Variants in CCSER1 observed in about 807,000 individuals in gnomAD.
The protein encoded by CCSER1 is coiled-coil serine rich protein 1.
A neutral mutation model predicts 82.0 loss-of-function variants in CCSER1; 41 were observed. That is an observed-to-expected ratio of 0.50 (90% confidence interval 0.39 to 0.65). The LOEUF is 0.65. Among genes scored for constraint, CCSER1 ranks in the 30% least tolerant of loss-of-function variants. CCSER1 has a pLI of 0.00. For missense variants in CCSER1, 1,119 were observed against 1,064.2 expected, an observed-to-expected ratio of 1.05 and a Z score of -0.72; for synonymous variants, 414 against 383.9, an observed-to-expected ratio of 1.08 and a Z score of -0.92.
chr4:91,317,896 C>T (rs1211409470), intron 10 of CCSER1, among the ~76,000 whole-genome samples: 1 of 151,802 alleles, frequency 6.6e-6, no homozygotes, highest in African/African-American at 2.4e-5. Flanking sequence ...CTAATGAAAC[C>T]CTGGGTGAGA....
chr4:91,507,476 T>C (rs1363452157), intron 10 of CCSER1, among the ~76,000 whole-genome samples: 2 of 152,074 alleles, frequency 1.3e-5, no homozygotes, highest in Non-Finnish European at 2.9e-5. Flanking sequence ...TTGCCCTGGC[T>C]GGAGTGCAGT....
chr4:90,598,818 G>T (rs964750086), intron 5 of CCSER1, among the ~76,000 whole-genome samples: 14 of 152,264 alleles, frequency 9.2e-5, no homozygotes, highest in African/African-American at 3.1e-4. Context: ...GTAGACATTA[G>T]AATGGGGAGA....
intron 9 of CCSER1, among the ~76,000 whole-genome samples, chr4:91,049,368 C>T (rs1742804104): frequency 6.6e-6 from 1 of 151,938 alleles, no homozygotes; most frequent in South Asian, 2.1e-4. Context: ...AATGATGAAG[C>T]CAAAAATTAA....
At chr4:90,609,558 G>A (rs1257629588) in intron 5 of CCSER1, among the ~76,000 whole-genome samples, 3 of 151,944 alleles carry the variant, frequency 2.0e-5, no homozygotes, top group African/African-American at 7.3e-5. Flanking sequence ...ACTTCAGTGG[G>A]AATACATGAC....
chr4:90,249,106 T>C (rs1288484360), intron 1 of CCSER1, among the ~76,000 whole-genome samples: 1 of 152,138 alleles, frequency 6.6e-6, no homozygotes, highest in African/African-American at 2.4e-5. Context: ...CATGGCATAC[T>C]TCTTTTTAAT....
intron 10 of CCSER1, among the ~76,000 whole-genome samples, chr4:91,173,177 TGAA>T (rs1469925076): frequency 5.3e-5 from 8 of 152,188 alleles, no homozygotes; most frequent in Non-Finnish European, 1.0e-4. Context: ...GAGGTTAAGA[TGAA>T]GATTTTGATT....
chr4:90,217,692 TC>T (rs1741338796), intron 1 of CCSER1, among the ~76,000 whole-genome samples: 1 of 152,182 alleles, frequency 6.6e-6, no homozygotes, highest in Non-Finnish European at 1.5e-5. Flanking sequence ...GGGGAATGTG[TC>T]CAGTTTTTGC....
At chr4:91,353,755 A>T (rs1300125341) in intron 10 of CCSER1, among the ~76,000 whole-genome samples, 1 of 152,182 alleles carries the variant, frequency 6.6e-6, no homozygotes, top group African/African-American at 2.4e-5. Flanking sequence ...TTTTTTTATC[A>T]TTTGGAGAAA....
At chr4:91,013,087 A>G (rs2150506421) in intron 9 of CCSER1, among the ~76,000 whole-genome samples, 1 of 135,072 alleles carries the variant, frequency 7.4e-6, no homozygotes, top group East Asian at 2.4e-4. Flanking sequence ...ATTAAAACAT[A>G]GCTGTTTATT....
chr4:90,306,130 A>G (rs550804616), intron 1 of CCSER1, among the ~76,000 whole-genome samples: 32 of 152,192 alleles, frequency 2.1e-4, no homozygotes, highest in Non-Finnish European at 4.0e-4. Context: ...AATTAAACTC[A>G]TAGAAGTAGA....
At chr4:90,794,881 C>T (rs1248892044) in intron 7 of CCSER1, among the ~76,000 whole-genome samples, 2 of 152,116 alleles carry the variant, frequency 1.3e-5, no homozygotes, top group African/African-American at 2.4e-5. Context: ...AGAGGTCTTT[C>T]ACTTCCCTTG....
chr4:91,223,732 A>C (rs1301907608), intron 10 of CCSER1, among the ~76,000 whole-genome samples: 2 of 152,124 alleles, frequency 1.3e-5, no homozygotes, highest in African/African-American at 4.8e-5. Context: ...GAGGATGTCC[A>C]AAGAGTTTGG....
At chr4:90,139,624 A>G (rs988425149) in intron 1 of CCSER1, among the ~76,000 whole-genome samples, 4 of 152,166 alleles carry the variant, frequency 2.6e-5, no homozygotes, top group African/African-American at 9.7e-5. Context: ...TGTCACTCAG[A>G]GAAATAATGT....
intron 5 of CCSER1, among the ~76,000 whole-genome samples, chr4:90,511,485 C>T (rs988369683): frequency 6.6e-6 from 1 of 152,148 alleles, no homozygotes; most frequent in East Asian, 1.9e-4. Context: ...GATTCAAGTG[C>T]TATTCGAATG....
chr4:90,228,358 G>C (rs562874882), intron 1 of CCSER1, among the ~76,000 whole-genome samples: 45 of 152,238 alleles, frequency 3.0e-4, no homozygotes, highest in African/African-American at 1.0e-3. Context: ...CCCCAGCAGG[G>C]GCAGACTGAC....
chr4:90,384,767 C>T (rs906056083), intron 3 of CCSER1, among the ~76,000 whole-genome samples: 1 of 152,070 alleles, frequency 6.6e-6, no homozygotes, highest in African/African-American at 2.4e-5. Context: ...TTTGGGGGTG[C>T]AGGTGGTTTT....
At chr4:90,251,595 C>T (rs1722393039) in intron 1 of CCSER1, among the ~76,000 whole-genome samples, 1 of 151,566 alleles carries the variant, frequency 6.6e-6, no homozygotes, top group Admixed American at 6.6e-5. Flanking sequence ...GGTGTATGAC[C>T]TTTTTATTAT....
intron 3 of CCSER1, among the ~76,000 whole-genome samples, chr4:90,350,070 C>T (rs1387570271): frequency 1.3e-5 from 2 of 152,024 alleles, no homozygotes; most frequent in Non-Finnish European, 2.9e-5. Flanking sequence ...AGATTCAGGG[C>T]CTGGCACATA....
chr4:90,734,371 C>T lies in CCSER1; in HGVS notation c.2010+10380C>T, dbSNP rs192501566. Among the ~76,000 whole-genome samples, 994 of 152,160 alleles carry T rather than the reference C, an allele frequency of 6.5e-3. 7 individuals carry two copies. Among genetic ancestry groups the T allele is most frequent in the Non-Finnish European group, 0.011 (737 of 68,016 alleles). On this transcript the variant is annotated intron_variant, in intron 7 of 10. Transcript: ENST00000509176. ...CGATCTCCTGACCTCGTGATCTGCC[C>T]GCCTTGGCCTCCCTAATCTGTAGAT...
Sources: allele counts gnomAD v4.1 joint callset (sites outside exome capture counted in the v4.1 genomes callset), GRCh38; gene constraint gnomAD v4.1.1; transcripts MANE v1.5; gene names NCBI Gene and HGNC (gene_info 2026-07-23, HGNC 2026-07-21).